Variants in ZNF362 observed in about 807,000 individuals in gnomAD.
The protein encoded by ZNF362 is rotund homolog.
In ZNF362, 11 loss-of-function variants were observed where a neutral mutation model predicts 42.9. That is an observed-to-expected ratio of 0.26 (90% CI 0.16 to 0.42). The LOEUF (loss-of-function observed/expected upper bound fraction) is 0.42, where lower values mean the gene tolerates loss of function less well. ZNF362 is among the 20% of genes least tolerant of loss of function. The probability of loss-of-function intolerance (pLI) is 1.00; values close to 1 mark genes in which losing one functional copy is unlikely to be tolerated. For synonymous variants in ZNF362, 255 were observed against 257.3 expected, an observed-to-expected ratio of 0.99 and a Z score of 0.09; for missense variants, 362 against 576.2, an observed-to-expected ratio of 0.63 and a Z score of 3.81.
the ZNF362 span, among the ~76,000 whole-genome samples, chr1:33,246,408 C>A: frequency 6.6e-6 from 1 of 152,142 alleles, no homozygotes; most frequent in South Asian, 2.1e-4. Context: ...ACCCGCTGGT[C>A]CCCACCAGGA....
the ZNF362 span, among the ~76,000 whole-genome samples, chr1:33,214,580 A>G: frequency 2.4e-4 from 36 of 152,338 alleles, no homozygotes; most frequent in African/African-American, 7.9e-4. Context: ...GAAAGGCAAT[A>G]TTTGCAAACT....
intron 2 of ZNF362, among the ~76,000 whole-genome samples, chr1:33,271,097 C>T (rs1265569608): frequency 6.6e-6 from 1 of 152,180 alleles, no homozygotes; most frequent in African/African-American, 2.4e-5. Flanking sequence ...GTCCCCTCTA[C>T]ATTGGGCACT....
At chr1:33,223,500 T>C in the ZNF362 span, among the ~76,000 whole-genome samples, 1 of 152,238 alleles carries the variant, frequency 6.6e-6, no homozygotes, top group African/African-American at 2.4e-5. Flanking sequence ...CTCTCTCCCA[T>C]CCCAAATTAC....
At chr1:33,181,175 C>A in the ZNF362 span, 2 of 1,596,280 alleles carry the variant, frequency 1.3e-6, no homozygotes, top group South Asian at 1.1e-5. The surrounding 1 kb of genome is among the most constrained non-coding windows in gnomAD (Gnocchi z 6.5). Context: ...CGGCGCGGCG[C>A]GCGTTGAGGA....
intron 6 of ZNF362, among the ~76,000 whole-genome samples, chr1:33,293,336 G>A (rs925742597): frequency 2.0e-5 from 3 of 152,178 alleles, no homozygotes; most frequent in Non-Finnish European, 4.4e-5. Flanking sequence ...GGGTGCGTAC[G>A]AGCAGGGAGG....
chr1:33,169,473 T>G, the ZNF362 span, among the ~76,000 whole-genome samples: 1 of 152,232 alleles, frequency 6.6e-6, no homozygotes, highest in Admixed American at 6.5e-5. Context: ...CTGCTCCAAG[T>G]GCCCTGCACA....
the ZNF362 span, among the ~76,000 whole-genome samples, chr1:33,199,238 G>A: frequency 6.6e-6 from 1 of 152,058 alleles, no homozygotes; most frequent in Non-Finnish European, 1.5e-5. Context: ...CAATCAAATT[G>A]CTCAAAACAA....
At chr1:33,289,754 G>A (rs1488564215) in intron 6 of ZNF362, among the ~76,000 whole-genome samples, 6 of 152,168 alleles carry the variant, frequency 3.9e-5, no homozygotes, top group Non-Finnish European at 7.3e-5. Context: ...CATGCCAGGC[G>A]CTGGGGTGAT....
At chr1:33,159,574 G>T in the ZNF362 span, 8 of 1,398,300 alleles carry the variant, frequency 5.7e-6, no homozygotes, top group Admixed American at 2.6e-5. This position sits in a 1 kb window ranked among gnomAD's most constrained non-coding sequence, Gnocchi z 4.2. Context: ...GTTTGATGAA[G>T]ATTTGAATGA....
chr1:33,179,064 A>G, the ZNF362 span, among the ~76,000 whole-genome samples: 1 of 152,370 alleles, frequency 6.6e-6, no homozygotes, highest in East Asian at 1.9e-4. Context: ...GGCAAGTCAC[A>G]TAACTTCTCC....
the ZNF362 span, chr1:33,176,564 G>A: frequency 1.7e-5 from 10 of 597,376 alleles, no homozygotes; most frequent in South Asian, 7.4e-5. Flanking sequence ...CCAGAGAGCC[G>A]GATGCCACGT....
At chr1:33,206,288 C>G in the ZNF362 span, among the ~76,000 whole-genome samples, 1 of 151,730 alleles carries the variant, frequency 6.6e-6, no homozygotes, top group Admixed American at 6.6e-5. Flanking sequence ...TATAAAACTT[C>G]TAGAAGAAAA....
the ZNF362 span, among the ~76,000 whole-genome samples, chr1:33,157,829 T>C: frequency 6.6e-6 from 1 of 152,132 alleles, no homozygotes; most frequent in Admixed American, 6.6e-5. Flanking sequence ...CAGTCTCAGC[T>C]CACTGCAACC....
chr1:33,292,309 G>A (rs1646084332), intron 6 of ZNF362, among the ~76,000 whole-genome samples: 1 of 152,182 alleles, frequency 6.6e-6, no homozygotes, highest in South Asian at 2.1e-4. Context: ...GGCCTTTTCT[G>A]CATCTATTGA....
chr1:33,289,322 T>C (rs549824702), intron 6 of ZNF362, among the ~76,000 whole-genome samples: 12 of 152,174 alleles, frequency 7.9e-5, no homozygotes, highest in Middle Eastern at 6.8e-3. Context: ...GTGAAGGGCC[T>C]TGCAAGCTGG....
chr1:33,128,440 C>T, the ZNF362 span, among the ~76,000 whole-genome samples: 1 of 152,170 alleles, frequency 6.6e-6, no homozygotes, highest in Non-Finnish European at 1.5e-5. Context: ...ATGGTAACCA[C>T]AGTAACCAGG....
the ZNF362 span, among the ~76,000 whole-genome samples, chr1:33,175,102 T>C: frequency 0.79 from 119,704 of 151,316 alleles, 47,473 homozygotes; most frequent in African/African-American, 0.86. Context: ...AGTAGTGGAA[T>C]AATCTCAGCT....
chr1:33,175,001 G>GTATTTATATGTA, the ZNF362 span, among the ~76,000 whole-genome samples: 34,431 of 135,362 alleles, frequency 0.25, 5,112 homozygotes, highest in East Asian at 0.31. Flanking sequence ...ACACACACAT[G>GTATTTATATGTA]TATGTATATG....
the ZNF362 span, among the ~76,000 whole-genome samples, chr1:33,134,130 A>G: frequency 1.3e-5 from 2 of 152,202 alleles, no homozygotes; most frequent in Non-Finnish European, 2.9e-5. Context: ...TGCTCTGAAC[A>G]CTTACCGTGG....
Sources: gnomAD v4.1 joint callset for allele counts (sites outside exome capture counted in the v4.1 genomes callset) on GRCh38, gnomAD v4.1.1 for gene constraint, Gnocchi (gnomAD v3.1) non-coding constraint, MANE v1.5 for transcripts, NCBI Gene and HGNC (gene_info 2026-07-23, HGNC 2026-07-21) for gene names.